The following STOML3 variants were observed in gnomAD, a reference collection of about 807,000 sequenced individuals.
STOML3 encodes the protein stomatin-like protein 3.
A neutral mutation model predicts 29.5 loss-of-function variants in STOML3; 31 were observed. The ratio of observed to expected loss-of-function variants is 1.05; its 90% confidence interval spans 0.79 to 1.42. The LOEUF (loss-of-function observed/expected upper bound fraction) is 1.42, where lower values mean the gene tolerates loss of function less well. Among genes scored for constraint, STOML3 ranks in the 40% most tolerant of loss-of-function variants. The pLI, the probability that STOML3 is intolerant of heterozygous loss-of-function variation, is 0.00. For missense variants in STOML3, 380 were observed against 363.0 expected (o/e 1.05, Z -0.38); for synonymous variants, 122 against 139.8 (o/e 0.87, Z 0.90).
At chr13:38,984,296 T>C (rs1868421459) in intron 1 of STOML3, among the ~76,000 whole-genome samples, 2 of 152,120 alleles carry the variant, frequency 1.3e-5, no homozygotes, top group African/African-American at 4.8e-5. Context: ...GCACAGGTCT[T>C]TGTGTTCCTC....
intron 5 of STOML3, among the ~76,000 whole-genome samples, chr13:38,969,283 TG>T (rs1458589856): frequency 2.0e-5 from 3 of 152,132 alleles, no homozygotes; most frequent in African/African-American, 7.2e-5. Context: ...TCTTGAGAAA[TG>T]GTAGGATCAA....
chr13:38,988,200 T>A (rs796270530), intron 1 of STOML3, among the ~76,000 whole-genome samples: 13 of 62,448 alleles, frequency 2.1e-4, no homozygotes, highest in African/African-American at 6.7e-4. Context: ...TATATTATAT[T>A]TCATATAAAA....
intron 1 of STOML3, 36 bp downstream of exon 1, chr13:38,990,634 T>TA (rs755989787): frequency 1.9e-6 from 3 of 1,611,650 alleles, no homozygotes; most frequent in Admixed American, 1.7e-5. Flanking sequence ...GCCATATATG[T>TA]AAAAAACAAG....
intron 5 of STOML3, among the ~76,000 whole-genome samples, chr13:38,968,915 G>A (rs934965425): frequency 1.8e-4 from 28 of 152,214 alleles, no homozygotes; most frequent in African/African-American, 6.7e-4. Context: ...GACAGACCTG[G>A]ATTTTGCTTT....
At chr13:38,972,365 A>G in intron 4 of STOML3, 147 bp downstream of exon 4, 1 of 675,984 alleles carries the variant, frequency 1.5e-6, no homozygotes, top group Non-Finnish European at 2.4e-6. Flanking sequence ...GGGAGCCACC[A>G]AGGAAGGGCA....
intron 1 of STOML3, chr13:38,979,955 TA>T (rs1881216227): frequency 1.6e-6 from 2 of 1,245,928 alleles, no homozygotes; most frequent in Admixed American, 4.0e-5. Flanking sequence ...CAGCTGTGCT[TA>T]ATGCCTGGAG....
At chr13:38,982,762 A>G (rs1360814809) in intron 1 of STOML3, among the ~76,000 whole-genome samples, 1 of 152,160 alleles carries the variant, frequency 6.6e-6, no homozygotes, top group Non-Finnish European at 1.5e-5. Flanking sequence ...TTTGCCCACA[A>G]GGAAATTCCT....
chr13:38,975,642 GAATTAATCCCAT>G (rs1333188414), intron 3 of STOML3, among the ~76,000 whole-genome samples: 7 of 152,080 alleles, frequency 4.6e-5, no homozygotes, highest in Non-Finnish European at 5.9e-5. Flanking sequence ...CAGAGTATTA[GAATTAATCCCAT>G]GAAATTGCCA....
At chr13:38,990,310 C>T (rs1868949456) in intron 1 of STOML3, among the ~76,000 whole-genome samples, 1 of 152,050 alleles carries the variant, frequency 6.6e-6, no homozygotes, top group African/African-American at 2.4e-5. Flanking sequence ...AACACCAATT[C>T]TATCTAAAAT....
intron 1 of STOML3, among the ~76,000 whole-genome samples, chr13:38,990,299 A>G (rs1288660848): frequency 6.6e-6 from 1 of 152,220 alleles, no homozygotes; most frequent in Non-Finnish European, 1.5e-5. Context: ...ATACAAAGAT[A>G]AACACCAATT....
At chr13:38,980,215 T>G (rs1262155604) in intron 1 of STOML3, 2 of 1,368,358 alleles carry the variant, frequency 1.5e-6, no homozygotes, top group African/African-American at 1.4e-5. Context: ...GGCCGCGGCT[T>G]CTGGGAGAAT....
At chr13:38,968,771 T>C (rs7328547) in intron 5 of STOML3, among the ~76,000 whole-genome samples, 3,631 of 152,240 alleles carry the variant, frequency 0.024, 138 homozygotes, top group African/African-American at 0.083. Context: ...GCAGACCTTT[T>C]AGTGGGTGTC....
At chr13:38,974,312 G>GT (rs1261392239) in intron 3 of STOML3, among the ~76,000 whole-genome samples, 3 of 152,028 alleles carry the variant, frequency 2.0e-5, no homozygotes, top group African/African-American at 4.8e-5. Context: ...GTGTAAAGGG[G>GT]TGGCAGTATC....
intron 1 of STOML3, among the ~76,000 whole-genome samples, chr13:38,985,902 C>CTTTTTTTTTTTTTTTTTTTT: frequency 2.8e-5 from 1 of 35,436 alleles, no homozygotes; most frequent in Non-Finnish European, 5.7e-5. Context: ...TTTTTTTTTT[C>CTTTTTTTTTTTTTTTTTTTT]TTTTCTTTCT....
At chr13:38,982,247 A>G (rs1881293157) in intron 1 of STOML3, among the ~76,000 whole-genome samples, 1 of 152,024 alleles carries the variant, frequency 6.6e-6, no homozygotes, top group South Asian at 2.1e-4. Flanking sequence ...TTCTTTAAAA[A>G]AAAAATAATA....
chr13:38,968,390 C>T lies in STOML3; in HGVS notation c.651+10G>A, dbSNP rs1880733717. The T allele has an allele frequency of 6.2e-7, 1 of 1,613,984 alleles. No individual in the cohort carries two copies. The highest frequency in any genetic ancestry group is 8.5e-7 in the Non-Finnish European group (1 of 1,179,986). Reference sequence around the variant, plus strand: ...GTTCTCCCTCCATGTGTGAACTGCACAACACTTACCTTGGCTCTCGCTTCC... The same window carrying T: ...GTTCTCCCTCCATGTGTGAACTGCATAACACTTACCTTGGCTCTCGCTTCC... On this transcript the variant is annotated intron_variant, in intron 6 of 6. Coordinates refer to ENST00000379631, the MANE Select transcript of STOML3 (RefSeq NM_145286.3).
chr13:38,973,280 C>CAA (rs35160552), intron 3 of STOML3, among the ~76,000 whole-genome samples: 15,318 of 144,876 alleles, frequency 0.11, 1,057 homozygotes, highest in Admixed American at 0.19. Context: ...AAAACTCTGT[C>CAA]AAAAAAAAAA....
chr13:38,966,946 G>T lies in STOML3; in HGVS notation c.755C>A (p.Thr252Asn). The part of the protein sequence containing the change: ...PIALQLRYLQ[T>N]LSTVATEKNS... ...CTTCTCGGTGGCTACCGTGCTCAAG[G>T]TCTGCAGGTAGCGCAGCTGGAGAGC... The change falls in exon 7 of 7, where the codon ACC becomes AAC. Residue 252 changes from threonine to asparagine, a missense_variant. Physicochemically the swap from Thr to Asn is moderately conservative, Grantham distance 65 (BLOSUM62 0). Transcript: ENST00000379631. 1 of 1,611,018 alleles carries T rather than the reference G, an allele frequency of 6.2e-7. No homozygotes were observed. The highest frequency in any genetic ancestry group is 8.5e-7 in the Non-Finnish European group (1 of 1,178,914).
chr13:38,970,816 A>G (rs913977380), intron 4 of STOML3, among the ~76,000 whole-genome samples: 4 of 152,192 alleles, frequency 2.6e-5, no homozygotes, highest in Non-Finnish European at 5.9e-5. Flanking sequence ...CTTAGAAAAC[A>G]TAGATGGCAC....
Sources: allele counts gnomAD v4.1 joint callset (sites outside exome capture counted in the v4.1 genomes callset), GRCh38; gene constraint gnomAD v4.1.1; transcripts MANE v1.5; gene names NCBI Gene and HGNC (gene_info 2026-07-23, HGNC 2026-07-21).